The following MORC2 variants were observed in gnomAD, a reference collection of about 807,000 sequenced individuals.
MORC2 encodes the protein MORC family CW-type zinc finger 2.
MORC2 carries 30 observed loss-of-function variants against 136.0 expected under a neutral mutation model. The observed-to-expected ratio is 0.22, with a 90% CI of 0.17 to 0.30. MORC2 has a LOEUF of 0.30. MORC2 is among the 10% of genes least tolerant of loss of function. MORC2 has a pLI of 1.00. For missense variants in MORC2, 922 were observed against 1,333.1 expected, an observed-to-expected ratio of 0.69 and a Z score of 4.80; for synonymous variants, 439 against 487.0, an observed-to-expected ratio of 0.90 and a Z score of 1.30.
At chr22:30,928,300 C>T in intron 24 of MORC2, 93 bp from the exon 25 acceptor site, 7 of 1,224,968 alleles carry the variant, frequency 5.7e-6, no homozygotes, top group Non-Finnish European at 8.3e-6. Context: ...GCCCGCTTTA[C>T]CCAAGGATGC....
At chr22:30,949,310 T>A (rs1238833049) in intron 5 of MORC2, among the ~76,000 whole-genome samples, 1 of 152,074 alleles carries the variant, frequency 6.6e-6, no homozygotes, top group Non-Finnish European at 1.5e-5. Flanking sequence ...GGCTCACATC[T>A]CTCTTCCTTA....
At chr22:30,955,398 AAGC>A (rs1169709197) in intron 3 of MORC2, among the ~76,000 whole-genome samples, 2 of 152,206 alleles carry the variant, frequency 1.3e-5, no homozygotes, top group Non-Finnish European at 2.9e-5. Context: ...TTCAGAATTG[AAGC>A]AGTACAGCTG....
At chr22:30,950,523 C>G (rs1019586562) in intron 3 of MORC2, 78 bp from the exon 4 acceptor site, 1 of 1,394,466 alleles carries the variant, frequency 7.2e-7, no homozygotes, top group Non-Finnish European at 1.0e-6. Flanking sequence ...GAAGGCAGAT[C>G]AATGTGAAGC....
In MORC2 at chr22:30,936,693, C is replaced by T. The variant is rs374400197; in HGVS notation, c.1605-50G>A. Reference sequence around the variant, plus strand: ...GTCGTGGCAAACAGAGCGCCAAGCTCGGCAAGGACCTTTCTCTTCAGCCAG... The same window carrying T: ...GTCGTGGCAAACAGAGCGCCAAGCTTGGCAAGGACCTTTCTCTTCAGCCAG... On this transcript the variant is annotated intron_variant, in intron 16 of 25. Transcript: ENST00000397641. 1.4e-5 allele frequency: 23 copies of T among 1,595,228 alleles called. No homozygotes were observed. In the East Asian group the frequency reaches 1.8e-4, roughly 12 times the overall value.
Position 30,941,423 on chromosome 22 carries a change from T to G in MORC2, c.824+10A>C, listed in dbSNP as rs1163872614. The G allele has an allele frequency of 6.2e-7, 1 of 1,613,606 alleles. No homozygotes were observed. Among genetic ancestry groups the G allele is most frequent in the Non-Finnish European group, 8.5e-7 (1 of 1,179,838 alleles). On this transcript the variant is annotated intron_variant, in intron 9 of 25. Transcript: ENST00000397641. This position sits in a 1 kb window ranked among gnomAD's most constrained non-coding sequence, Gnocchi z 4.6. Reference sequence around the variant, plus strand: ...TGGGAGACAGCAGGCCAAGGGGCACTGGCCCCTACCTGGGCTTGTACAGGC... The same window carrying G: ...TGGGAGACAGCAGGCCAAGGGGCACGGGCCCCTACCTGGGCTTGTACAGGC...
In MORC2 at chr22:30,949,076, A is replaced by G. The variant is rs576247534; in HGVS notation, c.317+676T>C. ...CACAATTCCATTTGCACAAACTCCA[A>G]TTCCACTAAATCTTATTCCATCCAA... On this transcript the variant is annotated intron_variant, in intron 5 of 25. Coordinates refer to ENST00000397641, the MANE Select transcript of MORC2 (RefSeq NM_001303256.3). 1.4e-3 allele frequency among the ~76,000 whole-genome samples: 211 copies of G among 152,316 alleles called. 1 individual carries two copies. The highest frequency in any genetic ancestry group is 4.8e-3 in the African/African-American group (199 of 41,582).
chr22:30,935,662 G>A (rs1005198115), intron 17 of MORC2, among the ~76,000 whole-genome samples: 1 of 130,328 alleles, frequency 7.7e-6, no homozygotes, highest in African/African-American at 2.9e-5. Flanking sequence ...TTAGCAGCTA[G>A]GGAGGCATAT....
In MORC2 at chr22:30,932,236, G is replaced by T; in HGVS notation, c.2841+123C>A. ...CAGGAGAGAGGCTGGCTGAGATGGA[G>T]CACACAGCTGAGAGCTAGCAACTGC... On this transcript the variant is annotated intron_variant, in intron 24 of 25. Coordinates refer to ENST00000397641, the MANE Select transcript of MORC2 (RefSeq NM_001303256.3). This position sits in a 1 kb window ranked among gnomAD's most constrained non-coding sequence, Gnocchi z 4.4. 1.2e-6 allele frequency: 1 copy of T among 857,732 alleles called. No individual in the cohort carries two copies. The highest frequency in any genetic ancestry group is 1.8e-6 in the Non-Finnish European group (1 of 540,844). 53.1% of individuals were successfully genotyped at this position (857,732 alleles called of 1,614,324 possible).
intron 6 of MORC2, among the ~76,000 whole-genome samples, chr22:30,944,835 C>T (rs187769080): frequency 2.6e-5 from 4 of 152,352 alleles, no homozygotes; most frequent in South Asian, 4.1e-4. Context: ...CTCCCTTGGG[C>T]GAGTACCGCC....
chr22:30,933,939 G>A, intron 20 of MORC2, 121 bp downstream of exon 20: 1 of 1,237,516 alleles, frequency 8.1e-7, no homozygotes. Flanking sequence ...GGGGTAGACT[G>A]CTGGTGGGTT....
Position 30,932,909 on chromosome 22 carries a change from G to T in MORC2, c.2502C>A (p.Asp834Glu). Residue 834 changes from aspartate to glutamate, a missense_variant, in exon 22 of 26, where the codon GAC becomes GAA. Asp to Glu is a conservative substitution (Grantham distance 45). This residue lies in a region of MORC2 where 263 missense variants were observed against 388.3 expected (regional missense o/e 0.68). Coordinates refer to ENST00000397641, the MANE Select transcript of MORC2 (RefSeq NM_001303256.3). The surrounding 1 kb of genome is among the most constrained non-coding windows in gnomAD (Gnocchi z 4.4). Reference protein sequence around the residue: ...WKVKFDYVPTDTTPRDRWVEK... With the variant: ...WKVKFDYVPTETTPRDRWVEK... ...ATTACCAGCGGTCTCTTGGTGTCGTGTCTGTGGGCACGTAGTCAAACTTCA... is the reference window on the plus strand; with the variant it reads ...ATTACCAGCGGTCTCTTGGTGTCGTTTCTGTGGGCACGTAGTCAAACTTCA... 6.2e-7 allele frequency: 1 copy of T among 1,614,130 alleles called. No homozygotes were observed. The highest frequency in any genetic ancestry group is 8.5e-7 in the Non-Finnish European group (1 of 1,180,002).
In MORC2 at chr22:30,932,567, C is replaced by T. The variant is rs770586964; in HGVS notation, c.2725G>A (p.Asp909Asn). Residue 909 changes from aspartate to asparagine, a missense_variant, in exon 23 of 26, where the codon GAC (aspartate) becomes AAC (asparagine). Asp to Asn is a conservative substitution (Grantham distance 23). This residue lies in a region of MORC2 where 263 missense variants were observed against 388.3 expected (regional missense o/e 0.68). Transcript: ENST00000397641. This position sits in a 1 kb window ranked among gnomAD's most constrained non-coding sequence, Gnocchi z 4.4. ...TACCGGAGGATCTGGACAAGCAGGTCGATGGTCTCGTGATTGGTGCTCAGG... is the reference window on the plus strand; with the variant it reads ...TACCGGAGGATCTGGACAAGCAGGTTGATGGTCTCGTGATTGGTGCTCAGG... ...TALSTNHETI[D>N]LLVQILRNCL... 13 of 1,614,044 alleles carry T rather than the reference C, an allele frequency of 8.1e-6. No homozygotes were observed. Among genetic ancestry groups the T allele is most frequent in the South Asian group, 1.1e-5 (1 of 91,060 alleles).
Position 30,939,632 on chromosome 22 carries a change from C to T in MORC2, c.1062G>A (p.Glu354=). The stretch of plus-strand genomic sequence containing the variant: ...GGCCTGGCACTCACCGCTGCTTGGC[C>T]TCCTTGATCCTCTTCTTGACATCGG... ...READVKKRIK[E]AKQRALKEPK... is the part of the protein sequence containing the mutation. The change falls in exon 12 of 26, where the codon GAG becomes GAA. Residue 354 remains glutamate (E), a synonymous_variant. Coordinates refer to ENST00000397641, the MANE Select transcript of MORC2 (RefSeq NM_001303256.3). 1 of 1,614,130 alleles carries T rather than the reference C, an allele frequency of 6.2e-7. No individual in the cohort carries two copies. Among genetic ancestry groups the T allele is most frequent in the Non-Finnish European group, 8.5e-7 (1 of 1,180,028 alleles).
At chr22:30,930,888 G>T (rs1403828674) in intron 24 of MORC2, among the ~76,000 whole-genome samples, 1 of 152,136 alleles carries the variant, frequency 6.6e-6, no homozygotes, top group East Asian at 1.9e-4. Context: ...CACCAGAAAC[G>T]TAGTGAGGGC....
intron 24 of MORC2, among the ~76,000 whole-genome samples, chr22:30,930,210 C>G (rs2040553564): frequency 1.3e-5 from 2 of 152,124 alleles, no homozygotes; most frequent in Admixed American, 1.3e-4. Flanking sequence ...GGCATTCAAG[C>G]CCACTGCAGA....
chr22:30,950,839 A>G (rs1397397722), intron 3 of MORC2, among the ~76,000 whole-genome samples: 1 of 152,166 alleles, frequency 6.6e-6, no homozygotes, highest in Non-Finnish European at 1.5e-5. Context: ...ACTACCACAC[A>G]CTGTACTTTA....
At chr22:30,955,667 A>T (rs903326376) in intron 3 of MORC2, among the ~76,000 whole-genome samples, 3 of 152,154 alleles carry the variant, frequency 2.0e-5, no homozygotes, top group African/African-American at 7.2e-5. Flanking sequence ...AGGATTTCAG[A>T]AAAGTCTGTC....
chr22:30,950,225 C>G, intron 4 of MORC2, 152 bp downstream of exon 4: 1 of 772,072 alleles, frequency 1.3e-6, no homozygotes, highest in Non-Finnish European at 2.1e-6. Flanking sequence ...AGAATTAAGC[C>G]TGAGATGTTG....
intron 3 of MORC2, among the ~76,000 whole-genome samples, chr22:30,954,340 G>C (rs1424678162): frequency 6.6e-6 from 1 of 152,158 alleles, no homozygotes; most frequent in Non-Finnish European, 1.5e-5. Context: ...TGGTAGAAAA[G>C]TGTAGGGTTA....
Sources: gnomAD v4.1 joint callset for allele counts (sites outside exome capture counted in the v4.1 genomes callset) on GRCh38, gnomAD v4.1.1 for gene constraint, gnomAD v4.1.1 regional missense constraint, Gnocchi (gnomAD v3.1) non-coding constraint, MANE v1.5 for transcripts, NCBI Gene and HGNC (gene_info 2026-07-23, HGNC 2026-07-21) for gene names.